ACTA2: variants seen among roughly 807,000 people sequenced by gnomAD.
ACTA2 encodes the protein actin, aortic smooth muscle.
In ACTA2, 12 loss-of-function variants were observed where a neutral mutation model predicts 39.5. The observed-to-expected ratio is 0.30, with a 90% CI of 0.19 to 0.49. ACTA2 has a LOEUF of 0.49. Among genes scored for constraint, ACTA2 ranks in the 20% least tolerant of loss-of-function variants. The probability of loss-of-function intolerance (pLI) is 0.99; values close to 1 mark genes in which losing one functional copy is unlikely to be tolerated. For missense variants in ACTA2, 236 were observed against 498.8 expected (o/e 0.47, Z 5.02); for synonymous variants, 158 against 180.6 (o/e 0.88, Z 1.00).
chr10:88,979,098 C>A (rs562907441), intron 1 of ACTA2, among the ~76,000 whole-genome samples: 1 of 152,052 alleles, frequency 6.6e-6, no homozygotes, highest in African/African-American at 2.4e-5. Context: ...CTGTCCACTG[C>A]CTGAAACACT....
intron 8 of ACTA2, among the ~76,000 whole-genome samples, chr10:88,937,112 G>C (rs1441735): frequency 0.57 from 84,451 of 149,430 alleles, 24,326 homozygotes; most frequent in East Asian, 0.89. Context: ...AAACACAAAC[G>C]CTGTTGGAAA....
chr10:88,952,611 C>T (rs1047688345), intron 1 of ACTA2, 120 bp downstream of exon 1: 4 of 152,226 alleles, frequency 2.6e-5, no homozygotes, highest in African/African-American at 7.2e-5. Context: ...GTACAATCTT[C>T]ATTCAGAAAT....
intron 1 of ACTA2, among the ~76,000 whole-genome samples, chr10:88,980,278 G>T (rs1363348132): frequency 6.6e-6 from 1 of 152,116 alleles, no homozygotes; most frequent in African/African-American, 2.4e-5. Flanking sequence ...AAGAGCATCT[G>T]GGAAGAGGTG....
intron 8 of ACTA2, 40 bp from the exon 9 acceptor site, chr10:88,935,406 C>T: frequency 6.2e-7 from 1 of 1,610,840 alleles, no homozygotes; most frequent in South Asian, 1.1e-5. Flanking sequence ...TTAATGTCAT[C>T]ATTAGTGCAG....
At chr10:88,973,479 A>T (rs1846495386) in intron 1 of ACTA2, 1 of 829,256 alleles carries the variant, frequency 1.2e-6, no homozygotes, top group Non-Finnish European at 1.7e-6. Context: ...CATCTTGATT[A>T]TCAGTTTCTC....
Position 88,990,789 on chromosome 10 carries a change from C to T in ACTA2, c.-24+150G>A, listed in dbSNP as rs1365258236. 2.5e-6 allele frequency: 4 copies of T among 1,570,172 alleles called. No individual in the cohort carries two copies. Among genetic ancestry groups the T allele is most frequent in the East Asian group, 2.2e-5 (1 of 44,638 alleles). On this transcript the variant is annotated intron_variant, in intron 1 of 4. Coordinates refer to the ACTA2 transcript ENST00000415557. The surrounding 1 kb of genome is among the most constrained non-coding windows in gnomAD (Gnocchi z 4.9). The stretch of plus-strand genomic sequence containing the variant: ...CTGAGGCCAGCCCTGGCTGCCCAGG[C>T]GGAGCTGCCTCTTCTCCCGCGGGTT...
intron 1 of ACTA2, among the ~76,000 whole-genome samples, chr10:88,972,855 T>C (rs1846480546): frequency 6.6e-6 from 1 of 152,184 alleles, no homozygotes; most frequent in Non-Finnish European, 1.5e-5. Context: ...TTTCTGATTG[T>C]TTTTCCAGTG....
intron 1 of ACTA2, among the ~76,000 whole-genome samples, chr10:88,979,974 G>C (rs998711337): frequency 6.6e-6 from 1 of 152,218 alleles, no homozygotes; most frequent in African/African-American, 2.4e-5. Flanking sequence ...TATGGAGCTT[G>C]ACAGATGCAG....
intron 1 of ACTA2, among the ~76,000 whole-genome samples, chr10:88,962,038 G>C (rs1007862045): frequency 2.0e-5 from 3 of 152,066 alleles, no homozygotes; most frequent in African/African-American, 7.2e-5. Flanking sequence ...AAATTCAGAT[G>C]CCTATTGGGG....
intron 7 of ACTA2, 66 bp from the exon 8 acceptor site, chr10:88,938,308 C>G (rs967125145): frequency 6.5e-7 from 1 of 1,538,258 alleles, no homozygotes; most frequent in Admixed American, 1.7e-5. Flanking sequence ...CATGGAAGAC[C>G]AGACTTGAAC....
rs1271847332 is a variant in ACTA2, at chr10:88,938,072, T to C, written c.979A>G (p.Met327Val). Residue 327 changes from methionine (M) to valine (V), a missense_variant, in exon 8 of 9, where the codon ATG (methionine) becomes GTG (valine). Physicochemically the swap from Met to Val is conservative, Grantham distance 21. Coordinates refer to ENST00000224784, the MANE Select transcript of ACTA2 (RefSeq NM_001613.4). ...KEITALAPST[M>V]KIKIIAPPER... ...TCACTGAACAGTACCTTGATCTTCA[T>C]GGTGCTGGGTGCTAGGGCCGTGATC... 1.2e-6 allele frequency: 2 copies of C among 1,613,968 alleles called. No homozygotes were observed. The highest frequency in any genetic ancestry group is 2.2e-5 in the East Asian group (1 of 44,834).
At chr10:88,968,803 GTGCATGTTAAAGAGATTC>G (rs1435925068) in intron 1 of ACTA2, among the ~76,000 whole-genome samples, 1 of 152,148 alleles carries the variant, frequency 6.6e-6, no homozygotes, top group Non-Finnish European at 1.5e-5. Flanking sequence ...ACCATAATGT[GTGCATGTTAAAGAGATTC>G]TGCAGGTCCC....
At chr10:88,945,643 T>C (rs1253332831) in intron 3 of ACTA2, among the ~76,000 whole-genome samples, 1 of 152,234 alleles carries the variant, frequency 6.6e-6, no homozygotes, top group Admixed American at 6.5e-5. Flanking sequence ...AGGCCTCATG[T>C]AATGCAACAC....
chr10:88,966,544 ATC>A (rs1421607908), intron 1 of ACTA2, among the ~76,000 whole-genome samples: 5 of 152,206 alleles, frequency 3.3e-5, no homozygotes, highest in African/African-American at 1.2e-4. Context: ...TCTTCTGTTT[ATC>A]TGTGGCGTCT....
intron 4 of ACTA2, among the ~76,000 whole-genome samples, chr10:88,942,357 CTT>C (rs1845871325): frequency 1.3e-5 from 2 of 152,302 alleles, no homozygotes; most frequent in South Asian, 4.1e-4. Context: ...AGAAAGAGAA[CTT>C]TTAAATCTGA....
chr10:88,951,012 A>G (rs1846039997), intron 1 of ACTA2, among the ~76,000 whole-genome samples: 1 of 152,170 alleles, frequency 6.6e-6, no homozygotes, highest in South Asian at 2.1e-4. Context: ...AATAAAAATA[A>G]TCAACGTGTG....
chr10:88,991,105 G>A, exon 1 of ACTA2: 1 of 665,562 alleles, frequency 1.5e-6, no homozygotes, highest in Admixed American at 2.6e-5. Flanking sequence ...CGGGTGCTCA[G>A]AACGCTGGAG....
intron 1 of ACTA2, among the ~76,000 whole-genome samples, chr10:88,983,877 G>A (rs550732102): frequency 7.0e-4 from 106 of 152,288 alleles, no homozygotes; most frequent in African/African-American, 2.5e-3. Flanking sequence ...TGCCTGCTTA[G>A]TGTCTTTCCT....
At chr10:88,971,747 C>T (rs971306551) in intron 1 of ACTA2, among the ~76,000 whole-genome samples, 3 of 151,940 alleles carry the variant, frequency 2.0e-5, no homozygotes, top group African/African-American at 7.3e-5. Flanking sequence ...GTGCAATATC[C>T]CTCTTTTTGT....
Sources: gnomAD v4.1 joint callset for allele counts (sites outside exome capture counted in the v4.1 genomes callset) on GRCh38, gnomAD v4.1.1 for gene constraint, Gnocchi (gnomAD v3.1) non-coding constraint, MANE v1.5 for transcripts, NCBI Gene and HGNC (gene_info 2026-07-23, HGNC 2026-07-21) for gene names.